The following MGMT variants were observed in gnomAD, a reference collection of about 807,000 sequenced individuals.
MGMT encodes the protein O-6-methylguanine-DNA methyltransferase, also known as methylated-DNA--protein-cysteine methyltransferase.
Under a neutral mutation model 15.9 loss-of-function variants are expected in MGMT, and 14 were observed. The observed-to-expected ratio is 0.88, with a 90% CI of 0.58 to 1.37. The LOEUF is 1.37. Ranked by LOEUF, MGMT falls within the 40% of genes most tolerant of loss-of-function variation. MGMT has a pLI of 0.00. For synonymous variants in MGMT, 130 were observed against 118.2 expected, an observed-to-expected ratio of 1.10 and a Z score of -0.65; for missense variants, 282 against 268.1, an observed-to-expected ratio of 1.05 and a Z score of -0.36.
At position 129,605,598 on chromosome 10, in the gene MGMT, G is replaced by A. The variant is rs571551857; in HGVS notation, c.125+69221G>A. On this transcript the variant is annotated intron_variant, in intron 2 of 4. Transcript: ENST00000651593. ...ATATTTAAAAAAAAACATGGAAAAT[G>A]CAATACATGTGAAGCCCATTTTTTC... Among the ~76,000 whole-genome samples the A allele has an allele frequency of 5.5e-4, 83 of 152,220 alleles. No individual in the cohort carries two copies. The South Asian group carries it at 0.016, about 29-fold the overall frequency.
intron 1 of MGMT, among the ~76,000 whole-genome samples, chr10:129,474,491 G>A (rs763292328): frequency 6.6e-6 from 1 of 152,112 alleles, no homozygotes; most frequent in African/African-American, 2.4e-5. Flanking sequence ...TGCTTTTTAT[G>A]TGAGGGAAGC....
intron 1 of MGMT, among the ~76,000 whole-genome samples, chr10:129,468,339 A>G (rs1334652199): frequency 6.6e-6 from 1 of 152,160 alleles, no homozygotes; most frequent in African/African-American, 2.4e-5. Context: ...AAACCGCGTC[A>G]AGAGCCTGGC....
At chr10:129,698,982 G>A (rs1848064416) in intron 2 of MGMT, among the ~76,000 whole-genome samples, 1 of 152,194 alleles carries the variant, frequency 6.6e-6, no homozygotes, top group South Asian at 2.1e-4. Flanking sequence ...CACAAGTGCA[G>A]TAAGCTTTTG....
At chr10:129,719,908 T>G (rs1416148164) in intron 3 of MGMT, among the ~76,000 whole-genome samples, 1 of 152,220 alleles carries the variant, frequency 6.6e-6, no homozygotes. Context: ...AAATACCTGC[T>G]TATTTCACAG....
At chr10:129,516,270 C>T (rs944046820) in intron 1 of MGMT, among the ~76,000 whole-genome samples, 1 of 152,190 alleles carries the variant, frequency 6.6e-6, no homozygotes, top group Non-Finnish European at 1.5e-5. Flanking sequence ...CTGTTAGAAA[C>T]GTGTTGCCAC....
At chr10:129,724,295 G>C (rs142838872) in intron 3 of MGMT, among the ~76,000 whole-genome samples, 1 of 152,284 alleles carries the variant, frequency 6.6e-6, no homozygotes, top group African/African-American at 2.4e-5. Flanking sequence ...CACAGCAAGA[G>C]CCTGCCTCTG....
intron 2 of MGMT, among the ~76,000 whole-genome samples, chr10:129,691,130 C>T (rs184981124): frequency 5.9e-5 from 9 of 152,278 alleles, no homozygotes; most frequent in Admixed American, 3.9e-4. Context: ...GAGCTGTTCC[C>T]GGCGTGGGGA....
intron 2 of MGMT, among the ~76,000 whole-genome samples, chr10:129,577,704 A>G (rs1846501667): frequency 6.6e-6 from 1 of 152,240 alleles, no homozygotes; most frequent in Admixed American, 6.5e-5. Flanking sequence ...ATTAAACTAA[A>G]GAGCTTCTGC....
intron 2 of MGMT, among the ~76,000 whole-genome samples, chr10:129,608,111 G>A (rs1846914119): frequency 6.6e-6 from 1 of 152,198 alleles, no homozygotes; most frequent in South Asian, 2.1e-4. Context: ...AAACGACTTG[G>A]AGCCAGGGTA....
intron 2 of MGMT, among the ~76,000 whole-genome samples, chr10:129,667,736 C>T (rs1304220349): frequency 1.3e-5 from 2 of 152,240 alleles, no homozygotes; most frequent in South Asian, 4.1e-4. Context: ...ATGTCTGAGG[C>T]TGCCTGTTGC....
intron 1 of MGMT, among the ~76,000 whole-genome samples, chr10:129,475,856 A>G (rs1288612246): frequency 6.6e-6 from 1 of 152,252 alleles, no homozygotes; most frequent in Non-Finnish European, 1.5e-5. Flanking sequence ...GTTCAACGTT[A>G]TCTACCCTCT....
intron 3 of MGMT, among the ~76,000 whole-genome samples, chr10:129,756,757 C>T (rs543054794): frequency 2.8e-4 from 42 of 152,284 alleles, no homozygotes; most frequent in East Asian, 7.7e-4. Context: ...CGTGAGCCAC[C>T]GCGCCTGGAC....
intron 1 of MGMT, among the ~76,000 whole-genome samples, chr10:129,478,983 G>C (rs982599621): frequency 6.6e-6 from 1 of 152,156 alleles, no homozygotes; most frequent in Non-Finnish European, 1.5e-5. Flanking sequence ...GATTGATTCT[G>C]TTTATCCTTG....
rs1374948160 is a variant in MGMT at position 129,488,864 on chromosome 10, CAT to C, written c.-13+21569_-13+21570del. Among the ~76,000 whole-genome samples the C allele has an allele frequency of 2.0e-5, 3 of 152,096 alleles. No individual in the cohort carries two copies. The South Asian group carries it at 6.2e-4, about 32-fold the overall frequency. The stretch of plus-strand genomic sequence containing the variant: ...GGCTTCACTGCAAATATATGACAAA[CAT>C]GTGACATGTGGATATAGAGCAAGAG... On this transcript the variant is annotated intron_variant, in intron 1 of 4. Transcript: ENST00000651593.
chr10:129,697,843 C>T (rs1331867913), intron 2 of MGMT, among the ~76,000 whole-genome samples: 1 of 152,132 alleles, frequency 6.6e-6, no homozygotes, highest in Non-Finnish European at 1.5e-5. Flanking sequence ...CATCTTGTGC[C>T]CGTCTCATCT....
In MGMT at chr10:129,536,550, C is replaced by T. The variant is rs150088953; in HGVS notation, c.125+173C>T. On this transcript the variant is annotated intron_variant, in intron 2 of 4. Transcript: ENST00000651593. ...TGTGCTGCGACGGCTCCTGCATTTG[C>T]AGCTTCCCTGTGTGTTGCCCAGGAG... The T allele has an allele frequency of 8.0e-6, 6 of 750,386 alleles. No homozygotes were observed. In the African/African-American group the frequency reaches 8.8e-5, roughly 11 times the overall value. 46.5% of individuals were successfully genotyped at this position (750,386 alleles called of 1,614,324 possible).
At chr10:129,520,266 A>G (rs1349669574) in intron 1 of MGMT, among the ~76,000 whole-genome samples, 1 of 152,170 alleles carries the variant, frequency 6.6e-6, no homozygotes, top group African/African-American at 2.4e-5. Context: ...TGGCACAGCT[A>G]CCTGACCCTG....
rs57984603 is a variant in MGMT at position 129,560,954 on chromosome 10, A to AGTGTGTGTGTGTGT, written c.125+24608_125+24621dup. 5.4e-3 allele frequency among the ~76,000 whole-genome samples: 715 copies of AGTGTGTGTGTGTGT among 133,288 alleles called. 7 individuals are homozygous for AGTGTGTGTGTGTGT. Among genetic ancestry groups the AGTGTGTGTGTGTGT allele is most frequent in the African/African-American group, 7.1e-3 (260 of 36,470 alleles). 87.4% of individuals were successfully genotyped at this position (133,288 alleles called of 152,430 possible). ...TCTCCAGCTGAATTCAGTAAAGAGC[A>AGTGTGTGTGTGTGT]GTGTGTGTGTGTGTGTGTGTGTGTG... On this transcript the variant is annotated intron_variant, in intron 2 of 4. Coordinates refer to ENST00000651593, the MANE Select transcript of MGMT (RefSeq NM_002412.5).
intron 3 of MGMT, among the ~76,000 whole-genome samples, chr10:129,749,758 G>C (rs1053124631): frequency 1.3e-5 from 2 of 152,070 alleles, no homozygotes; most frequent in African/African-American, 2.4e-5. Context: ...CATCCTTTTT[G>C]CTCCACATCC....
Sources: gnomAD v4.1 joint callset for allele counts (sites outside exome capture counted in the v4.1 genomes callset) on GRCh38, gnomAD v4.1.1 for gene constraint, MANE v1.5 for transcripts, NCBI Gene and HGNC (gene_info 2026-07-23, HGNC 2026-07-21) for gene names.